Variants in RUFY1 observed in about 807,000 individuals in gnomAD.
RUFY1 encodes the protein RUN and FYVE domain-containing protein 1.
A neutral mutation model predicts 94.6 loss-of-function variants in RUFY1; 54 were observed. The observed-to-expected ratio is 0.57, with a 90% CI of 0.46 to 0.72. The LOEUF (loss-of-function observed/expected upper bound fraction) is 0.72, where lower values mean the gene tolerates loss of function less well. Among genes scored for constraint, RUFY1 ranks in the 30% least tolerant of loss-of-function variants. RUFY1 has a pLI of 0.00. For missense variants in RUFY1, 883 were observed against 883.9 expected (o/e 1.00, Z 0.01); for synonymous variants, 396 against 347.3 (o/e 1.14, Z -1.56).
chr5:179,596,357 G>A (rs1765637634), intron 12 of RUFY1: 1 of 687,466 alleles, frequency 1.5e-6, no homozygotes, highest in East Asian at 2.5e-5. Context: ...CAGATGAGTG[G>A]TTGCCAGGGG....
intron 7 of RUFY1, among the ~76,000 whole-genome samples, chr5:179,582,399 G>T (rs2127542540): frequency 6.6e-6 from 1 of 152,120 alleles, no homozygotes; most frequent in South Asian, 2.1e-4. Flanking sequence ...CTAATTTTTT[G>T]TATTTTTTGT....
At chr5:179,558,572 C>CA (rs10664309) in intron 1 of RUFY1, among the ~76,000 whole-genome samples, 24,919 of 136,928 alleles carry the variant, frequency 0.18, 2,180 homozygotes, top group African/African-American at 0.21. Flanking sequence ...AACAACATCT[C>CA]AAAAAAAAAA....
intron 6 of RUFY1, among the ~76,000 whole-genome samples, chr5:179,579,657 C>CTTTT (rs61062422): frequency 0.012 from 603 of 50,498 alleles, 114 homozygotes; most frequent in African/African-American, 0.032. Flanking sequence ...TTTTCTTCTT[C>CTTTT]TTTTTTTTTT....
intron 1 of RUFY1, among the ~76,000 whole-genome samples, chr5:179,551,213 C>T (rs1000082243): frequency 6.6e-6 from 1 of 152,254 alleles, no homozygotes; most frequent in Non-Finnish European, 1.5e-5. Flanking sequence ...GCTTTTCAGC[C>T]GTTCAGTGCG....
rs776916710 is a variant in RUFY1, at chr5:179,593,540, G to C, written c.1308G>C (p.Lys436Asn). The change falls in exon 11 of 18, where the codon AAG (lysine) becomes AAC (asparagine). Residue 436 changes from lysine to asparagine, a missense_variant. Coordinates refer to ENST00000319449, the MANE Select transcript of RUFY1 (RefSeq NM_025158.5). ...GMKTEMEIAM[K>N]LLEKDTHEKQ... The stretch of plus-strand genomic sequence containing the variant: ...AAACCGAAATGGAAATTGCAATGAA[G>C]TTACTGGAAAAGGACACCCACGAGA... 2 of 1,614,054 alleles carry C rather than the reference G, an allele frequency of 1.2e-6. No homozygotes were observed. The highest frequency in any genetic ancestry group is 2.2e-5 in the South Asian group (2 of 91,084).
intron 6 of RUFY1, 58 bp from the exon 7 acceptor site, chr5:179,580,889 T>TA: frequency 1.1e-6 from 1 of 947,594 alleles, no homozygotes; most frequent in Non-Finnish European, 1.7e-6. Flanking sequence ...GGGGAACAGT[T>TA]ACAAAGTATT....
At chr5:179,582,568 C>T (rs1764247800) in intron 7 of RUFY1, among the ~76,000 whole-genome samples, 1 of 152,224 alleles carries the variant, frequency 6.6e-6, no homozygotes, top group Admixed American at 6.5e-5. Flanking sequence ...TAACATGTAA[C>T]CTGGTTGGGT....
chr5:179,607,281 G>A, intron 16 of RUFY1: 1 of 423,606 alleles, frequency 2.4e-6, no homozygotes, highest in South Asian at 2.7e-5. Context: ...TCAGCCAAAG[G>A]GAACTGATTG....
chr5:179,588,416 C>T (rs1764781186), intron 8 of RUFY1, among the ~76,000 whole-genome samples: 2 of 152,194 alleles, frequency 1.3e-5, no homozygotes, highest in African/African-American at 4.8e-5. Context: ...TGTGTTTACT[C>T]ATCTGCCTTG....
chr5:179,597,677 A>AT (rs1378973123), intron 13 of RUFY1, among the ~76,000 whole-genome samples: 3 of 152,106 alleles, frequency 2.0e-5, no homozygotes, highest in Non-Finnish European at 4.4e-5. Context: ...TGGCCTATAG[A>AT]TTTTTTGAGA....
intron 8 of RUFY1, 63 bp downstream of exon 8, chr5:179,585,928 G>T: frequency 7.5e-7 from 1 of 1,335,392 alleles, no homozygotes; most frequent in Non-Finnish European, 1.1e-6. Context: ...GAGAATCTGT[G>T]TAGTCGGTCT....
In RUFY1 at chr5:179,609,579, G is replaced by A. The variant is rs891656999; in HGVS notation, c.*60G>A. 16 of 1,438,808 alleles carry A rather than the reference G, an allele frequency of 1.1e-5. No homozygotes were observed. The highest frequency in any genetic ancestry group is 5.1e-5 in the Admixed American group (2 of 39,594). The allele number at this position is 1,438,808 out of a possible 1,614,324, so 89.1% of individuals were successfully genotyped here. ...TGCCAAACCCTGTGGGTCTCCAGGG[G>A]CTTGGGAAATGTGTTCTTTCCCAAG... On this transcript the variant is annotated 3_prime_UTR_variant, in exon 18 of 18. Coordinates refer to ENST00000319449, the MANE Select transcript of RUFY1 (RefSeq NM_025158.5).
Position 179,579,869 on chromosome 5 carries a change from G to A in RUFY1, c.891-1078G>A, listed in dbSNP as rs55638925. 9.1e-3 allele frequency among the ~76,000 whole-genome samples: 1,381 copies of A among 151,022 alleles called. 24 individuals are homozygous for A. Among genetic ancestry groups the A allele is most frequent in the African/African-American group, 0.03 (1,232 of 41,174 alleles). On this transcript the variant is annotated intron_variant, in intron 6 of 17. Coordinates refer to ENST00000319449, the MANE Select transcript of RUFY1 (RefSeq NM_025158.5). ...TTTTTAGTAGAGACGAGGTTTCACCGTGTTGACCAGGCTGGTCTCAAACTC... is the reference window on the plus strand; with the variant it reads ...TTTTTAGTAGAGACGAGGTTTCACCATGTTGACCAGGCTGGTCTCAAACTC...
At chr5:179,588,230 T>C (rs970287343) in intron 8 of RUFY1, among the ~76,000 whole-genome samples, 3 of 151,906 alleles carry the variant, frequency 2.0e-5, no homozygotes, top group African/African-American at 7.3e-5. Flanking sequence ...TCTCAGGGGG[T>C]GTAGACACTG....
intron 7 of RUFY1, among the ~76,000 whole-genome samples, chr5:179,584,710 C>T (rs1764457099): frequency 2.0e-5 from 3 of 151,790 alleles, no homozygotes; most frequent in African/African-American, 7.3e-5. Flanking sequence ...TACAGTGAGC[C>T]ATGATCACAC....
At chr5:179,602,070 T>C (rs982644839) in intron 15 of RUFY1, 84 bp downstream of exon 15, 21 of 1,143,786 alleles carry the variant, frequency 1.8e-5, no homozygotes, top group Non-Finnish European at 2.6e-5. Flanking sequence ...CTACCTCCTT[T>C]TGGCGAACGG....
chr5:179,591,390 T>C (rs1016317858), intron 9 of RUFY1, among the ~76,000 whole-genome samples: 6 of 150,982 alleles, frequency 4.0e-5, no homozygotes, highest in African/African-American at 1.5e-4. Context: ...TTCACCATGT[T>C]AGCCAGGATG....
chr5:179,578,095 A>G (rs929287381), intron 6 of RUFY1, among the ~76,000 whole-genome samples: 1 of 152,170 alleles, frequency 6.6e-6, no homozygotes, highest in Non-Finnish European at 1.5e-5. Context: ...TTAATGCCTT[A>G]CAGGTATTTG....
intron 6 of RUFY1, among the ~76,000 whole-genome samples, chr5:179,579,436 T>C (rs536290412): frequency 1.3e-5 from 2 of 152,024 alleles, no homozygotes; most frequent in African/African-American, 4.8e-5. Flanking sequence ...GTTCAAGCAA[T>C]TCTCCTGCCT....
Sources: allele counts gnomAD v4.1 joint callset (sites outside exome capture counted in the v4.1 genomes callset), GRCh38; gene constraint gnomAD v4.1.1; transcripts MANE v1.5; gene names NCBI Gene and HGNC (gene_info 2026-07-23, HGNC 2026-07-21).